Variants in ACADM observed in about 807,000 individuals in gnomAD.
ACADM encodes the protein medium-chain specific acyl-CoA dehydrogenase, mitochondrial.
ACADM carries 49 observed loss-of-function variants against 58.9 expected under a neutral mutation model. That is an observed-to-expected ratio of 0.83 (90% CI 0.66 to 1.06). The LOEUF is 1.06. Ranked by LOEUF, ACADM falls within the 50% of genes least tolerant of loss-of-function variation. ACADM has a pLI of 0.00. For missense variants in ACADM, 496 were observed against 507.0 expected, an observed-to-expected ratio of 0.98 and a Z score of 0.21; for synonymous variants, 160 against 157.7, an observed-to-expected ratio of 1.01 and a Z score of -0.11.
At chr1:75,750,370 C>A in intron 9 of ACADM, 81 bp from the exon 10 acceptor site, 1 of 1,163,936 alleles carries the variant, frequency 8.6e-7, no homozygotes, top group Non-Finnish European at 1.3e-6. Flanking sequence ...TTTGTACACT[C>A]CCTAACATAG....
intron 10 of ACADM, among the ~76,000 whole-genome samples, chr1:75,756,549 AT>A (rs1200767691): frequency 6.6e-6 from 1 of 152,200 alleles, no homozygotes; most frequent in African/African-American, 2.4e-5. Context: ...CCACCACTCA[AT>A]GAAATAAAAG....
chr1:75,727,048 C>G (rs1570849492), intron 1 of ACADM, among the ~76,000 whole-genome samples: 1 of 152,170 alleles, frequency 6.6e-6, no homozygotes, highest in Middle Eastern at 3.4e-3. Flanking sequence ...CGTGATCCGC[C>G]CACCTCAGCC....
At chr1:75,739,319 A>G (rs1647437560) in intron 6 of ACADM, among the ~76,000 whole-genome samples, 1 of 152,156 alleles carries the variant, frequency 6.6e-6, no homozygotes, top group African/African-American at 2.4e-5. Context: ...CTAGGACTGA[A>G]TGTCTTTTAC....
chr1:75,762,560 G>C (rs779117284), intron 11 of ACADM, 132 bp from the exon 12 acceptor site: 5 of 591,284 alleles, frequency 8.5e-6, no homozygotes, highest in Non-Finnish European at 1.2e-5. Flanking sequence ...ATCTGTAGAG[G>C]CTACAGACCC....
intron 2 of ACADM, 168 bp from the exon 3 acceptor site, chr1:75,732,476 T>G (rs1439552129): frequency 1.5e-6 from 1 of 647,944 alleles, no homozygotes; most frequent in Non-Finnish European, 2.8e-6. Context: ...ATAGGTTTAT[T>G]TATATTGTGT....
intron 1 of ACADM, 147 bp downstream of exon 1, chr1:75,724,964 T>C: frequency 1.6e-6 from 1 of 641,116 alleles, no homozygotes; most frequent in Non-Finnish European, 2.3e-6. Flanking sequence ...CCAACCTGCT[T>C]TCACGCCTCC....
intron 10 of ACADM, among the ~76,000 whole-genome samples, chr1:75,752,247 C>T (rs942296741): frequency 5.9e-5 from 9 of 152,186 alleles, no homozygotes; most frequent in African/African-American, 1.9e-4. Context: ...CCCCCATGAG[C>T]CTCCTATTCC....
chr1:75,753,752 G>A (rs12074404), intron 10 of ACADM, among the ~76,000 whole-genome samples: 2 of 144,058 alleles, frequency 1.4e-5, no homozygotes, highest in Non-Finnish European at 3.0e-5. Flanking sequence ...TTCTACTGAA[G>A]ATTTGCTTAT....
rs538173364 is a variant in ACADM at position 75,742,911 on chromosome 1, A to C, written c.599+2801A>C. ...AGAATGAAGGTGCCATTGAAGAAGGAAAGCAGCACCTCTTTGCCTGTGTTC... is the reference window on the plus strand; with the variant it reads ...AGAATGAAGGTGCCATTGAAGAAGGCAAGCAGCACCTCTTTGCCTGTGTTC... On this transcript the variant is annotated intron_variant, in intron 7 of 11. Coordinates refer to ENST00000370841, the MANE Select transcript of ACADM (RefSeq NM_000016.6). Among the ~76,000 whole-genome samples the C allele has an allele frequency of 2.4e-5, 3 of 126,522 alleles. No individual in the cohort carries two copies. In the Admixed American group the frequency reaches 2.4e-4, roughly 10 times the overall value. 83.0% of individuals were successfully genotyped at this position (126,522 alleles called of 152,430 possible).
chr1:75,750,673 A>G, intron 10 of ACADM, 127 bp downstream of exon 10: 1 of 748,262 alleles, frequency 1.3e-6, no homozygotes, highest in Admixed American at 2.0e-5. Flanking sequence ...ATGTGGTTTT[A>G]TCAAGATGAG....
chr1:75,759,918 C>T (rs915791203), intron 10 of ACADM, among the ~76,000 whole-genome samples: 6 of 151,834 alleles, frequency 4.0e-5, no homozygotes, highest in Non-Finnish European at 8.8e-5. Context: ...GCCTCGGCCT[C>T]TCAAAGTGCT....
At chr1:75,727,103 C>T (rs956016113) in intron 1 of ACADM, among the ~76,000 whole-genome samples, 1 of 152,024 alleles carries the variant, frequency 6.6e-6, no homozygotes, top group African/African-American at 2.4e-5. Context: ...CCACCTGGCA[C>T]TGTTTCACTT....
intron 10 of ACADM, among the ~76,000 whole-genome samples, chr1:75,752,124 A>T (rs1182071785): frequency 6.6e-6 from 1 of 151,572 alleles, no homozygotes; most frequent in Non-Finnish European, 1.5e-5. Context: ...CTGGAACTAT[A>T]GGGGCACACT....
At chr1:75,734,166 T>G (rs1178111070) in intron 5 of ACADM, among the ~76,000 whole-genome samples, 2 of 140,706 alleles carry the variant, frequency 1.4e-5, no homozygotes, top group Non-Finnish European at 3.1e-5. Context: ...TTGTATTTTT[T>G]TTTTTTTTTT....
chr1:75,732,550 G>A (rs1647164232), intron 2 of ACADM, 94 bp from the exon 3 acceptor site: 1 of 1,008,676 alleles, frequency 9.9e-7, no homozygotes, highest in Admixed American at 1.7e-5. Flanking sequence ...AAGGATTTAA[G>A]TCCCCACAAT....
At chr1:75,731,716 G>C (rs908545099) in intron 2 of ACADM, among the ~76,000 whole-genome samples, 1 of 152,094 alleles carries the variant, frequency 6.6e-6, no homozygotes, top group Non-Finnish European at 1.5e-5. Flanking sequence ...TAATTTATAA[G>C]CTTGTCTGAG....
chr1:75,756,190 A>T (rs1177200847), intron 10 of ACADM, among the ~76,000 whole-genome samples: 1 of 152,226 alleles, frequency 6.6e-6, no homozygotes, highest in Non-Finnish European at 1.5e-5. Flanking sequence ...CTCCTCTTCA[A>T]CATAGTGTTG....
rs764651997 is a variant in ACADM at position 75,733,623 on chromosome 1, T to C, written c.382T>C (p.Leu128=). Reference sequence around the variant, plus strand: ...TCAGACTGCTATTGAAGGAAATTCTTTGGGGGTAAGTGACTTAGAAAATTA... The same window carrying C: ...TCAGACTGCTATTGAAGGAAATTCTCTGGGGGTAAGTGACTTAGAAAATTA... ...GVQTAIEGNS[L]GQMPIIIAGN... is the part of the protein sequence containing the mutation. The change falls in exon 5 of 12, where the codon TTG becomes CTG. Residue 128 remains leucine, a synonymous_variant. Coordinates refer to ENST00000370841, the MANE Select transcript of ACADM (RefSeq NM_000016.6). 7 of 1,612,310 alleles carry C rather than the reference T, an allele frequency of 4.3e-6. No homozygotes were observed. The highest frequency in any genetic ancestry group is 4.5e-5 in the East Asian group (2 of 44,838).
intron 6 of ACADM, among the ~76,000 whole-genome samples, chr1:75,738,135 C>T (rs939528584): frequency 3.3e-5 from 5 of 151,960 alleles, no homozygotes; most frequent in African/African-American, 4.8e-5. Flanking sequence ...CCAGGATGGT[C>T]TCTATCTCCT....
Sources: gnomAD v4.1 joint callset for allele counts (sites outside exome capture counted in the v4.1 genomes callset) on GRCh38, gnomAD v4.1.1 for gene constraint, MANE v1.5 for transcripts, NCBI Gene and HGNC (gene_info 2026-07-23, HGNC 2026-07-21) for gene names.